Variants in POLR3B observed in about 807,000 individuals in gnomAD.
The protein encoded by POLR3B is RNA polymerase III subunit B, also known as DNA-directed RNA polymerase III subunit RPC2.
A neutral mutation model predicts 147.4 loss-of-function variants in POLR3B; 96 were observed. That is an observed-to-expected ratio of 0.65 (90% CI 0.55 to 0.77). POLR3B has a LOEUF of 0.77. POLR3B is among the 30% of genes least tolerant of loss of function. The probability of loss-of-function intolerance (pLI) is 0.00; values close to 1 mark genes in which losing one functional copy is unlikely to be tolerated. For synonymous variants in POLR3B, 461 were observed against 485.9 expected, an observed-to-expected ratio of 0.95 and a Z score of 0.67; for missense variants, 1,036 against 1,413.5, an observed-to-expected ratio of 0.73 and a Z score of 4.28.
In POLR3B at chr12:106,454,543, A is replaced by G. The variant is rs773318236; in HGVS notation, c.2125A>G (p.Met709Val). The change falls in exon 20 of 28, where the codon ATG (methionine) becomes GTG (valine). Residue 709 changes from methionine to valine, a missense_variant. Met to Val is a conservative substitution (Grantham distance 21). Around this residue, in one of 12 missense-constraint regions of POLR3B, gnomAD observed 202 missense variants for 272.8 expected, o/e 0.74. Transcript: ENST00000228347. ...CCAGCGAAACAGAATTGATACTCTC[A>G]TGTATCTACTAGCATATCCACAAAA... ...YNQRNRIDTL[M>V]YLLAYPQKPM... 5 of 1,606,558 alleles carry G rather than the reference A, an allele frequency of 3.1e-6. No homozygotes were observed. The African/African-American group carries it at 4.0e-5, about 13-fold the overall frequency.
At chr12:106,361,013 G>A (rs555748045) in intron 1 of POLR3B, among the ~76,000 whole-genome samples, 34 of 152,302 alleles carry the variant, frequency 2.2e-4, no homozygotes, top group Middle Eastern at 3.4e-3. Flanking sequence ...AGGAGGAGGC[G>A]TAGGCACAAG....
chr12:106,426,610 C>T (rs1024419711), intron 12 of POLR3B, among the ~76,000 whole-genome samples: 3 of 152,000 alleles, frequency 2.0e-5, no homozygotes, highest in Non-Finnish European at 2.9e-5. Flanking sequence ...CCACCACGCC[C>T]GGGTGCAATT....
chr12:106,489,446 T>G (rs1299179377), intron 23 of POLR3B, among the ~76,000 whole-genome samples: 1 of 152,232 alleles, frequency 6.6e-6, no homozygotes, highest in Non-Finnish European at 1.5e-5. Flanking sequence ...ATAAGGTCAC[T>G]TGCTTCCATT....
intron 19 of POLR3B, among the ~76,000 whole-genome samples, chr12:106,445,896 G>A (rs1267844930): frequency 6.6e-6 from 1 of 152,216 alleles, no homozygotes; most frequent in Non-Finnish European, 1.5e-5. Flanking sequence ...TGGATAGAGA[G>A]TAGATATATT....
At chr12:106,414,766 A>G (rs370411142) in intron 12 of POLR3B, among the ~76,000 whole-genome samples, 18 of 152,228 alleles carry the variant, frequency 1.2e-4, no homozygotes, top group Admixed American at 1.2e-3. Context: ...TTGAAGCTTC[A>G]TGAGGACAGA....
chr12:106,374,670 A>G (rs1475994370), intron 6 of POLR3B, among the ~76,000 whole-genome samples: 1 of 151,798 alleles, frequency 6.6e-6, no homozygotes, highest in East Asian at 1.9e-4. Flanking sequence ...GCACGCCACC[A>G]CGCCCAGCCA....
Position 106,404,093 on chromosome 12 carries a change from G to GT in POLR3B, c.847-1749dup, listed in dbSNP as rs372930203. On this transcript the variant is annotated intron_variant, in intron 10 of 27. Transcript: ENST00000228347. ...CAGCTGTGTATGAGAGTTGTTTTTTGTTTTTTTTTTTTTTTGAGACAGAGC... is the reference window on the plus strand; with the variant it reads ...CAGCTGTGTATGAGAGTTGTTTTTTGTTTTTTTTTTTTTTTTGAGACAGAGC... Among the ~76,000 whole-genome samples the GT allele has an allele frequency of 5.5e-3, 751 of 135,972 alleles. 5 individuals carry two copies. Among genetic ancestry groups the GT allele is most frequent in the Non-Finnish European group, 8.0e-3 (504 of 63,270 alleles). 89.2% of individuals were successfully genotyped at this position (135,972 alleles called of 152,430 possible). A position where few individuals can be genotyped will look rare whatever the true frequency, so the allele number is the denominator to read the frequency against.
chr12:106,438,729 A>G (rs913903954), intron 18 of POLR3B, among the ~76,000 whole-genome samples: 9 of 152,186 alleles, frequency 5.9e-5, no homozygotes, highest in African/African-American at 2.2e-4. Flanking sequence ...AGTTGAACTA[A>G]TGAATCAAGC....
intron 11 of POLR3B, among the ~76,000 whole-genome samples, chr12:106,408,587 C>T (rs1438914695): frequency 1.3e-5 from 2 of 152,076 alleles, no homozygotes; most frequent in Non-Finnish European, 2.9e-5. Context: ...GCCTAAGTCC[C>T]AGACCACTCT....
intron 23 of POLR3B, among the ~76,000 whole-genome samples, chr12:106,470,115 G>A (rs183541166): frequency 2.0e-5 from 3 of 152,134 alleles, no homozygotes; most frequent in South Asian, 2.1e-4. Context: ...GTCTTTTCAC[G>A]TAGTCGCATA....
chr12:106,363,161 C>T (rs1177483078), intron 1 of POLR3B, among the ~76,000 whole-genome samples: 2 of 152,158 alleles, frequency 1.3e-5, no homozygotes, highest in East Asian at 3.8e-4. Context: ...TGATCTCATC[C>T]ATCACGTGCC....
At chr12:106,405,812 C>T (rs1743801743) in intron 10 of POLR3B, 45 bp from the exon 11 acceptor site, 1 of 1,599,296 alleles carries the variant, frequency 6.3e-7, no homozygotes, top group South Asian at 1.1e-5. Flanking sequence ...GCTAAACTAC[C>T]TCCAGTGATG....
intron 20 of POLR3B, 137 bp from the exon 21 acceptor site, chr12:106,457,001 G>T: frequency 2.6e-6 from 2 of 757,990 alleles, no homozygotes; most frequent in Non-Finnish European, 4.7e-6. Context: ...ACTGGTCCCA[G>T]ATTATTATCA....
intron 9 of POLR3B, among the ~76,000 whole-genome samples, chr12:106,390,655 G>T (rs1378904506): frequency 7.0e-6 from 1 of 143,564 alleles, no homozygotes; most frequent in Non-Finnish European, 1.5e-5. Flanking sequence ...TAAAAAAAAA[G>T]ACTGCTAAAA....
intron 23 of POLR3B, among the ~76,000 whole-genome samples, chr12:106,467,250 G>GTTT (rs978254185): frequency 3.3e-5 from 5 of 152,044 alleles, no homozygotes; most frequent in Non-Finnish European, 7.4e-5. Context: ...TTTGCTCTCT[G>GTTT]TTTGTCTGTT....
Position 106,509,457 on chromosome 12 carries a change from C to T in POLR3B, c.3310C>T (p.Leu1104Phe). The change falls in exon 28 of 28, where the codon CTC (leucine) becomes TTC (phenylalanine). Residue 1104 changes from leucine (L) to phenylalanine (F), a missense_variant. Around this residue, in one of 12 missense-constraint regions of POLR3B, gnomAD observed 69 missense variants for 89.8 expected, o/e 0.77. Coordinates refer to ENST00000228347, the MANE Select transcript of POLR3B (RefSeq NM_018082.6). ...YCKSSCHVSS[L>F]RIPYACKLLF... is the part of the protein sequence containing the mutation. ...CAAGTCATCCTGCCACGTGTCTTCC[C>T]TCCGTATTCCGTATGCCTGCAAGCT... 1 of 1,613,852 alleles carries T rather than the reference C, an allele frequency of 6.2e-7. No homozygotes were observed. Among genetic ancestry groups the T allele is most frequent in the Non-Finnish European group, 8.5e-7 (1 of 1,179,770 alleles).
chr12:106,454,288 A>G (rs1161643550), intron 19 of POLR3B, among the ~76,000 whole-genome samples: 3 of 152,088 alleles, frequency 2.0e-5, no homozygotes, highest in Non-Finnish European at 2.9e-5. Context: ...TATACTTTAT[A>G]TTTTTCCTTC....
At position 106,437,055 on chromosome 12, in the gene POLR3B, A is replaced by G; in HGVS notation, c.1782-2A>G. 6.2e-7 allele frequency: 1 copy of G among 1,611,612 alleles called. No individual in the cohort carries two copies. The highest frequency in any genetic ancestry group is 8.5e-7 in the Non-Finnish European group (1 of 1,178,154). ...TAATTTGGTTTGCTGTTTCCATTCT[A>G]GACCCTACATAATTGTCAAGAAACA... On this transcript the variant is annotated splice_acceptor_variant, in intron 16 of 27. Coordinates refer to ENST00000228347, the MANE Select transcript of POLR3B (RefSeq NM_018082.6). LOFTEE classifies it high-confidence loss of function.
At chr12:106,430,494 T>G (rs770176686) in intron 14 of POLR3B, 21 bp downstream of exon 14, 8 of 1,594,918 alleles carry the variant, frequency 5.0e-6, no homozygotes, top group Non-Finnish European at 6.9e-6. Context: ...TGAGGAGTCT[T>G]GATGCTGTGT....
Sources: gnomAD v4.1 joint callset for allele counts (sites outside exome capture counted in the v4.1 genomes callset) on GRCh38, gnomAD v4.1.1 for gene constraint, gnomAD v4.1.1 regional missense constraint, MANE v1.5 for transcripts, NCBI Gene and HGNC (gene_info 2026-07-23, HGNC 2026-07-21) for gene names.